The following SLC1A7 variants were observed in gnomAD, a reference collection of about 807,000 sequenced individuals.
SLC1A7 encodes the protein excitatory amino acid transporter 5.
A neutral mutation model predicts 47.7 loss-of-function variants in SLC1A7; 40 were observed. The observed-to-expected ratio is 0.84, with a 90% CI of 0.65 to 1.09. The LOEUF is 1.09. SLC1A7 is among the 50% of genes least tolerant of loss of function. SLC1A7 has a pLI of 0.00. For missense variants in SLC1A7, 746 were observed against 769.5 expected (o/e 0.97, Z 0.36); for synonymous variants, 323 against 325.6 (o/e 0.99, Z 0.09).
At chr1:53,121,750 G>T (rs1215935664) in intron 2 of SLC1A7, among the ~76,000 whole-genome samples, 2 of 152,222 alleles carry the variant, frequency 1.3e-5, no homozygotes, top group Non-Finnish European at 2.9e-5. Flanking sequence ...GGGGTGGGAG[G>T]GGGAGGCTGA....
rs1159759221 is a variant in SLC1A7, at chr1:53,087,908, G to A, written c.*101C>T. The A allele has an allele frequency of 2.1e-5, 12 of 582,444 alleles. No homozygotes were observed. The highest frequency in any genetic ancestry group is 3.1e-5 in the Non-Finnish European group (11 of 354,598). 36.1% of individuals were successfully genotyped at this position (582,444 alleles called of 1,614,324 possible). On this transcript the variant is annotated 3_prime_UTR_variant, in exon 11 of 11. Coordinates refer to ENST00000371494, the MANE Select transcript of SLC1A7 (RefSeq NM_006671.6). ...CCTCTCAAGGGTGAGAAGAATGTGT[G>A]ATCCTGGCCCCTGCCGGCTGCTCAG... is the stretch of plus-strand genomic sequence containing the variant.
At chr1:53,126,691 G>A (rs1644886263) in intron 2 of SLC1A7, among the ~76,000 whole-genome samples, 1 of 152,194 alleles carries the variant, frequency 6.6e-6, no homozygotes, top group African/African-American at 2.4e-5. Flanking sequence ...CTGGGGCCCA[G>A]ACAGTTGGGC....
chr1:53,127,337 G>A (rs977568267), intron 2 of SLC1A7, among the ~76,000 whole-genome samples: 6 of 152,308 alleles, frequency 3.9e-5, no homozygotes, highest in South Asian at 2.1e-4. Flanking sequence ...TAAGGGAGCA[G>A]TCCTTATTCA....
At position 53,090,767 on chromosome 1, in the gene SLC1A7, C is replaced by G. The variant is rs1557665718; in HGVS notation, c.1071G>C (p.Glu357Asp). 3 of 1,613,470 alleles carry G rather than the reference C, an allele frequency of 1.9e-6. No individual in the cohort carries two copies. Among genetic ancestry groups the G allele is most frequent in the South Asian group, 1.1e-5 (1 of 90,888 alleles). Residue 357 changes from glutamate (E) to aspartate (D), a missense_variant, in exon 8 of 11, where the codon GAG becomes GAC. Glu to Asp is a conservative substitution (Grantham distance 45). Transcript: ENST00000371494. ...TLPITFKCLL[E>D]NNHIDRRIAR... Reference sequence around the variant, plus strand: ...CGATGCGCCGGTCGATGTGGTTGTTCTCCAGCAGGCACTTGAAGGTGATGG... The same window carrying G: ...CGATGCGCCGGTCGATGTGGTTGTTGTCCAGCAGGCACTTGAAGGTGATGG...
intron 5 of SLC1A7, among the ~76,000 whole-genome samples, chr1:53,094,910 G>A (rs1031723462): frequency 8.5e-5 from 13 of 152,252 alleles, no homozygotes; most frequent in Non-Finnish European, 1.3e-4. Flanking sequence ...CCACATCCCA[G>A]GGATGGGGTG....
At chr1:53,092,489 C>T in intron 7 of SLC1A7, 65 bp downstream of exon 7, 1 of 1,210,108 alleles carries the variant, frequency 8.3e-7, no homozygotes, top group Non-Finnish European at 1.2e-6. Context: ...CCAATGATGG[C>T]TGGACAGACG....
chr1:53,129,008 G>C (rs952404595), intron 2 of SLC1A7, among the ~76,000 whole-genome samples: 2 of 139,882 alleles, frequency 1.4e-5, no homozygotes, highest in African/African-American at 5.3e-5. Context: ...GTGAAACCCC[G>C]TCTCTACTAA....
intron 2 of SLC1A7, 110 bp downstream of exon 2, chr1:53,134,240 C>T: frequency 4.1e-6 from 3 of 730,440 alleles, no homozygotes; most frequent in South Asian, 1.7e-5. Flanking sequence ...TCACACTCAT[C>T]CCAGGGCCTG....
At chr1:53,095,499 G>C (rs1557668940) in intron 5 of SLC1A7, among the ~76,000 whole-genome samples, 1 of 146,588 alleles carries the variant, frequency 6.8e-6, no homozygotes, top group East Asian at 2.0e-4. Flanking sequence ...CACCGCCTCG[G>C]TACACTCACA....
rs3766782 is a variant in SLC1A7, at chr1:53,113,663, C to A, written c.431+1095G>T. ...CTCCTACCTCCCCTGCAACTCTGAT[C>A]CCTGGTCAGATTGAACCTTCTGAAT... On this transcript the variant is annotated intron_variant, in intron 3 of 10. Transcript: ENST00000371494. 1.3e-3 allele frequency among the ~76,000 whole-genome samples: 198 copies of A among 152,216 alleles called. 7 individuals are homozygous for A. The East Asian group carries it at 0.035, about 27-fold the overall frequency.
chr1:53,105,911 C>A, intron 3 of SLC1A7, 137 bp from the exon 4 acceptor site: 1 of 716,736 alleles, frequency 1.4e-6, no homozygotes, highest in Non-Finnish European at 2.5e-6. Context: ...CAGTCTCACC[C>A]ACTACATCAT....
At chr1:53,113,675 T>C (rs1216114893) in intron 3 of SLC1A7, among the ~76,000 whole-genome samples, 1 of 152,144 alleles carries the variant, frequency 6.6e-6, no homozygotes, top group African/African-American at 2.4e-5. Flanking sequence ...CTGGTCAGAT[T>C]GAACCTTCTG....
rs374183098 is a variant in SLC1A7 at position 53,114,831 on chromosome 1, C to T, written c.358G>A (p.Ala120Thr). ...MVSIIHPGSA[A>T]QKETTEQSGK... ...CTCTGCTCCGTGGTCTCCTTCTGGG[C>T]CGCGCTGCCTGGGTGGATGATGGAG... The change falls in exon 3 of 11, where the codon GCC becomes ACC. Residue 120 changes from alanine to threonine, a missense_variant. Transcript: ENST00000371494. 12 of 1,614,182 alleles carry T rather than the reference C, an allele frequency of 7.4e-6. No homozygotes were observed. The highest frequency in any genetic ancestry group is 1.0e-5 in the Non-Finnish European group (12 of 1,180,022).
rs201338211 is a variant in SLC1A7, at chr1:53,103,435, G to A, written c.608C>T (p.Thr203Ile). The A allele has an allele frequency of 1.2e-4, 198 of 1,612,546 alleles. No individual in the cohort carries two copies. In the Admixed American group the frequency reaches 3.2e-3, roughly 26 times the overall value. The change falls in exon 5 of 11, where the codon ACC becomes ATC. Residue 203 changes from threonine to isoleucine, a missense_variant. Physicochemically the swap from Thr to Ile is moderately conservative, Grantham distance 89 (BLOSUM62 -1). Transcript: ENST00000371494. ...CTTGTAAACGACCTCGGGCGGCGGG[G>A]TCAGGTCCAGGGCGAAGTTCTGCAC... is the stretch of plus-strand genomic sequence containing the variant. Reference protein sequence around the residue: ...SHVQNFALDLTPPPEVVYKSE... With the variant: ...SHVQNFALDLIPPPEVVYKSE...
intron 2 of SLC1A7, chr1:53,116,357 A>G (rs1047893742): frequency 1.3e-5 from 2 of 152,220 alleles, no homozygotes; most frequent in Non-Finnish European, 2.9e-5. Flanking sequence ...ACCTCACTGG[A>G]CTGCGGACTC....
chr1:53,115,194 A>G lies in SLC1A7; in HGVS notation c.216-221T>C. Reference sequence around the variant, plus strand: ...AGGCCACACACATCTGTGCCTTGAGACCTCTGCACTGCTAGGCAGAGAGCC... The same window carrying G: ...AGGCCACACACATCTGTGCCTTGAGGCCTCTGCACTGCTAGGCAGAGAGCC... On this transcript the variant is annotated intron_variant, in intron 2 of 10. Transcript: ENST00000371494. The G allele has an allele frequency of 5.1e-6, 3 of 589,968 alleles. No homozygotes were observed. In the South Asian group the frequency reaches 6.0e-5, roughly 12 times the overall value. 36.5% of individuals were successfully genotyped at this position (589,968 alleles called of 1,614,324 possible). A position where few individuals can be genotyped will look rare whatever the true frequency, so the allele number is the denominator to read the frequency against.
chr1:53,136,961 T>A (rs1376534968), intron 1 of SLC1A7, among the ~76,000 whole-genome samples: 2 of 151,788 alleles, frequency 1.3e-5, no homozygotes, highest in African/African-American at 4.8e-5. Context: ...GCCACTGCAC[T>A]GGCACCCACA....
At chr1:53,113,989 C>A (rs905187017) in intron 3 of SLC1A7, among the ~76,000 whole-genome samples, 3 of 152,132 alleles carry the variant, frequency 2.0e-5, no homozygotes, top group African/African-American at 7.2e-5. Flanking sequence ...CACCGGCAGC[C>A]CCAGCTTCCC....
Position 53,138,110 on chromosome 1 carries a change from C to T in SLC1A7, c.136-3681G>A, listed in dbSNP as rs564017731. Among the ~76,000 whole-genome samples, 14 of 152,280 alleles carry T rather than the reference C, an allele frequency of 9.2e-5. No individual in the cohort carries two copies. The South Asian group carries it at 2.7e-3, about 29-fold the overall frequency. Reference sequence around the variant, plus strand: ...GATACTTCGTTGGAAATAATTTCCCCTCAGGTTTAGAAGGTGTTTCTCCCT... The same window carrying T: ...GATACTTCGTTGGAAATAATTTCCCTTCAGGTTTAGAAGGTGTTTCTCCCT... On this transcript the variant is annotated intron_variant, in intron 1 of 10. Transcript: ENST00000371494.
Sources: allele counts gnomAD v4.1 joint callset (sites outside exome capture counted in the v4.1 genomes callset), GRCh38; gene constraint gnomAD v4.1.1; transcripts MANE v1.5; gene names NCBI Gene and HGNC (gene_info 2026-07-23, HGNC 2026-07-21).